ABLIM1: variants seen among roughly 807,000 people sequenced by gnomAD.
The protein encoded by ABLIM1 is actin-binding LIM protein 1.
In ABLIM1, 40 loss-of-function variants were observed where a neutral mutation model predicts 107.0. The observed-to-expected ratio is 0.37, with a 90% CI of 0.29 to 0.49. The LOEUF is 0.49. Ranked by LOEUF, ABLIM1 falls within the 20% of genes least tolerant of loss-of-function variation. ABLIM1 has a pLI of 0.97. For synonymous variants in ABLIM1, 357 were observed against 357.3 expected (o/e 1.00, Z 0.01); for missense variants, 857 against 1,008.5 (o/e 0.85, Z 2.04).
At chr10:114,781,648 GTATATATATATGCGTGTATATA>G in the ABLIM1 span, among the ~76,000 whole-genome samples, 2 of 125,348 alleles carry the variant, frequency 1.6e-5, no homozygotes, top group Non-Finnish European at 3.3e-5. Context: ...GTGTGTGTGT[GTATATATATATGCGTGTATATA>G]TATATATATA....
chr10:114,714,476 C>T (rs1302185712), intron 1 of ABLIM1, among the ~76,000 whole-genome samples: 2 of 152,178 alleles, frequency 1.3e-5, no homozygotes, highest in Non-Finnish European at 1.5e-5. Flanking sequence ...AGTTGAAAGC[C>T]GCACTTGAGA....
At chr10:114,787,930 C>T in the ABLIM1 span, among the ~76,000 whole-genome samples, 977 of 143,952 alleles carry the variant, frequency 6.8e-3, 4 homozygotes, top group African/African-American at 0.017. Context: ...GGATGGTTGC[C>T]GTGTCTGTGT....
chr10:114,661,337 G>C (rs986035443), upstream of ABLIM1, among the ~76,000 whole-genome samples: 1 of 152,194 alleles, frequency 6.6e-6, no homozygotes, highest in South Asian at 2.1e-4. Flanking sequence ...TGGCAGCAGT[G>C]ACTGCAGACA....
rs1308414199 is a variant in ABLIM1, at chr10:114,436,122, T to C, written c.*138A>G. On this transcript the variant is annotated 3_prime_UTR_variant, in exon 23 of 23. Transcript: ENST00000533213. ...GCCCGACATTTGACTCATGGTGTTT[T>C]AACCAGACTTTCTCTTTTTGGTGTT... The C allele has an allele frequency of 3.1e-6, 2 of 645,752 alleles. No individual in the cohort carries two copies. Among genetic ancestry groups the C allele is most frequent in the Non-Finnish European group, 5.4e-6 (2 of 368,602 alleles). 40.0% of individuals were successfully genotyped at this position (645,752 alleles called of 1,614,324 possible). A position where few individuals can be genotyped will look rare whatever the true frequency, so the allele number is the denominator to read the frequency against.
At chr10:114,568,444 C>T (rs1038261639) in intron 4 of ABLIM1, among the ~76,000 whole-genome samples, 55 of 152,270 alleles carry the variant, frequency 3.6e-4, no homozygotes, top group Non-Finnish European at 3.2e-4. Flanking sequence ...TAAAGTCACA[C>T]AGGCTAGTTT....
rs773459119 is a variant in ABLIM1 at position 114,571,285 on chromosome 10, C to T, written c.673+12G>A. 24 of 1,613,342 alleles carry T rather than the reference C, an allele frequency of 1.5e-5. No homozygotes were observed. Among genetic ancestry groups the T allele is most frequent in the East Asian group, 8.9e-5 (4 of 44,886 alleles). On this transcript the variant is annotated intron_variant, in intron 4 of 22. Coordinates refer to ENST00000533213, the MANE Select transcript of ABLIM1 (RefSeq NM_002313.7). ...ATAGGTATTCACGTCAGTGGGTCAC[C>T]GGGGCACTTACTGCTGGAGAAGGTG...
chr10:114,670,948 C>T (rs1325430517), intron 1 of ABLIM1, among the ~76,000 whole-genome samples: 1 of 152,026 alleles, frequency 6.6e-6, no homozygotes, highest in Non-Finnish European at 1.5e-5. Context: ...TATATCTTAC[C>T]TACAAAGTTC....
intron 15 of ABLIM1, among the ~76,000 whole-genome samples, chr10:114,447,266 A>G (rs1221841728): frequency 4.6e-5 from 7 of 152,314 alleles, no homozygotes; most frequent in Non-Finnish European, 8.8e-5. Flanking sequence ...CAGCTGAAAT[A>G]TGACATTTTA....
At chr10:114,489,634 G>T (rs1388657099) in intron 7 of ABLIM1, among the ~76,000 whole-genome samples, 3 of 152,178 alleles carry the variant, frequency 2.0e-5, no homozygotes, top group Non-Finnish European at 4.4e-5. Context: ...GGGCCCAGGG[G>T]TCAGGTGCAG....
chr10:114,559,386 T>C (rs1428564383), intron 4 of ABLIM1, among the ~76,000 whole-genome samples: 1 of 133,520 alleles, frequency 7.5e-6, no homozygotes, highest in Non-Finnish European at 1.6e-5. Context: ...GAGGATTACT[T>C]GAGCCCAGGA....
rs2080381508 is a variant in ABLIM1 at position 114,674,233 on chromosome 10, T to C, written c.64+10057A>G. ...TGAACCTGGGAGGTGAAGGTTACAGTGAGCCAAGATCATGCCACTGCATTC... is the reference window on the plus strand; with the variant it reads ...TGAACCTGGGAGGTGAAGGTTACAGCGAGCCAAGATCATGCCACTGCATTC... On this transcript the variant is annotated intron_variant, in intron 1 of 23. Transcript: ENST00000369256. Among the ~76,000 whole-genome samples the C allele has an allele frequency of 5.5e-5, 8 of 145,374 alleles. No individual in the cohort carries two copies. In the South Asian group the frequency reaches 1.7e-3, roughly 31 times the overall value.
chr10:114,629,745 G>C lies in ABLIM1; in HGVS notation c.245-27784C>G, dbSNP rs1196936043. Among the ~76,000 whole-genome samples, 1 of 152,184 alleles carries C rather than the reference G, an allele frequency of 6.6e-6. No individual in the cohort carries two copies. The highest frequency in any genetic ancestry group is 6.5e-5 in the Admixed American group (1 of 15,268). ...CAGTTTTCTCATCTCTAGGATGAAT[G>C]CCTGGACTAAACGATCCCCAGTGCC... On this transcript the variant is annotated intron_variant, in intron 1 of 22. Transcript: ENST00000533213. This position sits in a 1 kb window ranked among gnomAD's most constrained non-coding sequence, Gnocchi z 4.0.
chr10:114,682,342 C>T (rs938169149), intron 1 of ABLIM1, among the ~76,000 whole-genome samples: 1 of 152,174 alleles, frequency 6.6e-6, no homozygotes, highest in Non-Finnish European at 1.5e-5. Context: ...GGATGATCTT[C>T]TCTTACTAAA....
At chr10:114,478,916 T>C (rs1009011903) in intron 8 of ABLIM1, among the ~76,000 whole-genome samples, 1 of 152,224 alleles carries the variant, frequency 6.6e-6, no homozygotes, top group Non-Finnish European at 1.5e-5. Context: ...ATGGCCCAAT[T>C]CTGTTTACCT....
chr10:114,611,999 T>A (rs1024945030), intron 1 of ABLIM1, among the ~76,000 whole-genome samples: 1 of 152,140 alleles, frequency 6.6e-6, no homozygotes, highest in Non-Finnish European at 1.5e-5. Context: ...TCCTGACACA[T>A]GCCTCAACCT....
chr10:114,796,677 T>C, the ABLIM1 span, among the ~76,000 whole-genome samples: 1 of 152,176 alleles, frequency 6.6e-6, no homozygotes, highest in Non-Finnish European at 1.5e-5. Context: ...TCCTTATCTA[T>C]AGAAGTCTTT....
the ABLIM1 span, among the ~76,000 whole-genome samples, chr10:114,786,220 T>A: frequency 4.6e-5 from 7 of 152,216 alleles, no homozygotes; most frequent in Non-Finnish European, 8.8e-5. Context: ...CTATTTGAAC[T>A]AACAGAGTAT....
intron 6 of ABLIM1, chr10:114,526,905 C>G: frequency 2.0e-6 from 2 of 985,540 alleles, no homozygotes; most frequent in Non-Finnish European, 2.4e-6. Flanking sequence ...GGCAGGCACG[C>G]TCTCTCACGC....
At chr10:114,640,537 A>G (rs1480477212) in intron 1 of ABLIM1, among the ~76,000 whole-genome samples, 2 of 143,100 alleles carry the variant, frequency 1.4e-5, no homozygotes, top group Non-Finnish European at 3.1e-5. Flanking sequence ...AAAACAAACA[A>G]ACCAACAACA....
Sources: gnomAD v4.1 joint callset for allele counts (sites outside exome capture counted in the v4.1 genomes callset) on GRCh38, gnomAD v4.1.1 for gene constraint, Gnocchi (gnomAD v3.1) non-coding constraint, MANE v1.5 for transcripts, NCBI Gene and HGNC (gene_info 2026-07-23, HGNC 2026-07-21) for gene names.